The following KIAA0825 variants were observed in gnomAD, a reference collection of about 807,000 sequenced individuals.
KIAA0825 encodes KIAA0825.
KIAA0825 carries 119 observed loss-of-function variants against 147.6 expected under a neutral mutation model. The observed-to-expected ratio is 0.81, with a 90% CI of 0.69 to 0.94. The LOEUF (loss-of-function observed/expected upper bound fraction) is 0.94. Ranked by LOEUF, KIAA0825 falls within the 40% of genes least tolerant of loss-of-function variation. The probability of loss-of-function intolerance (pLI) is 0.00; values close to 1 mark genes in which losing one functional copy is unlikely to be tolerated. For synonymous variants in KIAA0825, 470 were observed against 518.1 expected (o/e 0.91, Z 1.26); for missense variants, 1,381 against 1,472.7 (o/e 0.94, Z 1.02).
chr5:94,384,302 C>A, intron 20 of KIAA0825, 66 bp downstream of exon 20: 1 of 994,668 alleles, frequency 1.0e-6, no homozygotes, highest in African/African-American at 1.6e-5. Flanking sequence ...TACGTGTATA[C>A]ACACACACAC....
chr5:94,259,497 C>G (rs1371224687), intron 20 of KIAA0825, among the ~76,000 whole-genome samples: 2 of 151,970 alleles, frequency 1.3e-5, no homozygotes, highest in East Asian at 3.9e-4. Context: ...GCCTAAGTTT[C>G]AGGGAGACTT....
intron 5 of KIAA0825, among the ~76,000 whole-genome samples, chr5:94,516,106 A>G (rs1433733010): frequency 6.6e-6 from 1 of 152,266 alleles, no homozygotes; most frequent in African/African-American, 2.4e-5. Context: ...AAGTTACCAT[A>G]CAATACCAAG....
chr5:94,268,416 G>C (rs1776832202), intron 20 of KIAA0825, among the ~76,000 whole-genome samples: 2 of 152,084 alleles, frequency 1.3e-5, no homozygotes, highest in South Asian at 4.1e-4. Context: ...TGCAAGAGGA[G>C]GGAGCGGGAG....
intron 20 of KIAA0825, among the ~76,000 whole-genome samples, chr5:94,191,940 G>T (rs1021277551): frequency 1.7e-4 from 26 of 152,208 alleles, no homozygotes; most frequent in Non-Finnish European, 3.7e-4. Flanking sequence ...ATAGATTCAT[G>T]TTCATCAGTG....
intron 20 of KIAA0825, among the ~76,000 whole-genome samples, chr5:94,182,250 C>CTGTTTTTTTTT (rs1769701577): frequency 5.2e-5 from 2 of 38,276 alleles, no homozygotes; most frequent in Non-Finnish European, 8.6e-5. Flanking sequence ...AATGTCCCTT[C>CTGTTTTTTTTT]TTTTTTTTTT....
At chr5:94,601,338 A>G (rs1282911574) in intron 1 of KIAA0825, among the ~76,000 whole-genome samples, 1 of 152,194 alleles carries the variant, frequency 6.6e-6, no homozygotes, top group East Asian at 1.9e-4. Context: ...GCTATGGGAA[A>G]GTGGTCAGAC....
At chr5:94,407,404 T>A (rs1313521875) in intron 15 of KIAA0825, among the ~76,000 whole-genome samples, 1 of 152,236 alleles carries the variant, frequency 6.6e-6, no homozygotes, top group Non-Finnish European at 1.5e-5. Flanking sequence ...CTAATGTTCA[T>A]ACCAGCATCA....
intron 14 of KIAA0825, among the ~76,000 whole-genome samples, chr5:94,431,749 G>A (rs953445234): frequency 6.6e-6 from 1 of 152,220 alleles, no homozygotes; most frequent in Admixed American, 6.5e-5. Flanking sequence ...TGGTATTAGA[G>A]CAGCTGCCCC....
chr5:94,276,257 C>G (rs1002298992), intron 20 of KIAA0825, among the ~76,000 whole-genome samples: 2 of 152,116 alleles, frequency 1.3e-5, no homozygotes, highest in Admixed American at 1.3e-4. Context: ...CAATATCCTG[C>G]CTTGTGTTAT....
At chr5:94,571,915 A>T (rs1357796935) in intron 2 of KIAA0825, among the ~76,000 whole-genome samples, 1 of 152,190 alleles carries the variant, frequency 6.6e-6, no homozygotes, top group African/African-American at 2.4e-5. Flanking sequence ...ATACCATATG[A>T]TACATGATAA....
At chr5:94,480,798 C>A (rs1343942147) in intron 6 of KIAA0825, among the ~76,000 whole-genome samples, 1 of 151,932 alleles carries the variant, frequency 6.6e-6, no homozygotes, top group Non-Finnish European at 1.5e-5. Flanking sequence ...AATTATGAAG[C>A]AATTATGATA....
intron 15 of KIAA0825, among the ~76,000 whole-genome samples, chr5:94,409,575 A>G (rs2150666982): frequency 6.6e-6 from 1 of 152,200 alleles, no homozygotes; most frequent in South Asian, 2.1e-4. Flanking sequence ...AGTCTTACAC[A>G]GAATACTAGA....
intron 20 of KIAA0825, among the ~76,000 whole-genome samples, chr5:94,156,474 T>A (rs940085574): frequency 5.3e-5 from 8 of 152,226 alleles, no homozygotes; most frequent in African/African-American, 1.9e-4. Flanking sequence ...ATTTTATGAA[T>A]GTCAACAGAA....
chr5:94,206,346 C>T (rs1219236817), intron 20 of KIAA0825, among the ~76,000 whole-genome samples: 1 of 152,038 alleles, frequency 6.6e-6, no homozygotes, highest in Non-Finnish European at 1.5e-5. Context: ...GTCTGTAATT[C>T]CTTAGAGACT....
At chr5:94,332,511 T>C (rs1781388281) in intron 20 of KIAA0825, among the ~76,000 whole-genome samples, 1 of 152,188 alleles carries the variant, frequency 6.6e-6, no homozygotes, top group Non-Finnish European at 1.5e-5. Context: ...TTGCTGAGAA[T>C]GATGGTTTCC....
chr5:94,554,715 ACTATATAT>A (rs1355050267), intron 2 of KIAA0825, among the ~76,000 whole-genome samples: 13 of 75,352 alleles, frequency 1.7e-4, no homozygotes, highest in Admixed American at 5.0e-4. Flanking sequence ...TGTTCTGTGT[ACTATATAT>A]ATATATATAT....
chr5:94,354,329 G>C (rs757504180), intron 20 of KIAA0825, among the ~76,000 whole-genome samples: 37 of 152,008 alleles, frequency 2.4e-4, no homozygotes, highest in Admixed American at 9.2e-4. Flanking sequence ...TTTCCTTAAA[G>C]TAGTGTTTCA....
At chr5:94,608,474 A>AAT (rs869303629) in intron 1 of KIAA0825, among the ~76,000 whole-genome samples, 42 of 14,304 alleles carry the variant, frequency 2.9e-3, no homozygotes, top group East Asian at 0.014. Flanking sequence ...TTATATATAT[A>AAT]ATATATATAT....
At position 94,530,691 on chromosome 5, in the gene KIAA0825, A is replaced by C. The variant is rs115502421; in HGVS notation, c.131+6305T>G. On this transcript the variant is annotated intron_variant, in intron 3 of 20. Transcript: ENST00000682413. The stretch of plus-strand genomic sequence containing the variant: ...GGCTTGGATTCAATCTCCAGGCACC[A>C]CCCAACATGAAAGATGAGCCGGCCA... Among the ~76,000 whole-genome samples, 639 of 152,224 alleles carry C rather than the reference A, an allele frequency of 4.2e-3. 3 individuals carry two copies. The highest frequency in any genetic ancestry group is 0.015 in the African/African-American group (619 of 41,528).
Sources: gnomAD v4.1 joint callset for allele counts (sites outside exome capture counted in the v4.1 genomes callset) on GRCh38, gnomAD v4.1.1 for gene constraint, MANE v1.5 for transcripts, NCBI Gene and HGNC (gene_info 2026-07-23, HGNC 2026-07-21) for gene names.